The following CAMK2D variants were observed in gnomAD, a reference collection of about 807,000 sequenced individuals.
The protein encoded by CAMK2D is calcium/calmodulin-dependent protein kinase type II subunit delta.
Under a neutral mutation model 84.0 loss-of-function variants are expected in CAMK2D, and 37 were observed. The observed-to-expected ratio is 0.44, with a 90% confidence interval of 0.34 to 0.58. The LOEUF (loss-of-function observed/expected upper bound fraction) is 0.58, where lower values mean the gene tolerates loss of function less well. Ranked by LOEUF, CAMK2D falls within the 20% of genes least tolerant of loss-of-function variation. CAMK2D has a pLI of 0.02. For synonymous variants in CAMK2D, 202 were observed against 212.5 expected (o/e 0.95, Z 0.43); for missense variants, 448 against 652.5 (o/e 0.69, Z 3.41).
chr4:113,760,698 A>G (rs1007656955), intron 1 of CAMK2D, among the ~76,000 whole-genome samples: 15 of 152,094 alleles, frequency 9.9e-5, no homozygotes, highest in African/African-American at 3.6e-4. Context: ...CACACTTCTC[A>G]GGATGATAGC....
intron 3 of CAMK2D, among the ~76,000 whole-genome samples, chr4:113,658,296 A>G (rs2099211319): frequency 6.6e-6 from 1 of 152,274 alleles, no homozygotes; most frequent in South Asian, 2.1e-4. Context: ...GGTAAGATAA[A>G]ATGAGAAAGA....
At chr4:113,668,515 G>A (rs1416544984) in intron 2 of CAMK2D, among the ~76,000 whole-genome samples, 1 of 152,128 alleles carries the variant, frequency 6.6e-6, no homozygotes, top group Non-Finnish European at 1.5e-5. Flanking sequence ...TGCTAAAAAT[G>A]TGTCCAACTT....
chr4:113,717,548 A>T (rs891759066), intron 2 of CAMK2D, among the ~76,000 whole-genome samples: 8 of 152,118 alleles, frequency 5.3e-5, no homozygotes, highest in Non-Finnish European at 1.0e-4. Flanking sequence ...GCAAAGGAAA[A>T]ATAAAATCTT....
intron 2 of CAMK2D, among the ~76,000 whole-genome samples, chr4:113,756,995 C>T (rs2099629981): frequency 6.6e-6 from 1 of 152,038 alleles, no homozygotes; most frequent in South Asian, 2.1e-4. Flanking sequence ...AAAATTGACA[C>T]AATACTTTGC....
chr4:113,470,308 T>C (rs918952423), intron 16 of CAMK2D, among the ~76,000 whole-genome samples: 6 of 152,146 alleles, frequency 3.9e-5, no homozygotes. Flanking sequence ...ATTTTGCTCC[T>C]ACTTCTTTTA....
chr4:113,561,318 T>A (rs1311128135), intron 4 of CAMK2D, among the ~76,000 whole-genome samples: 1 of 151,998 alleles, frequency 6.6e-6, no homozygotes, highest in Non-Finnish European at 1.5e-5. Context: ...TATAAAAAAT[T>A]TAAAAATTAG....
chr4:113,729,360 C>A (rs951026979), intron 2 of CAMK2D, among the ~76,000 whole-genome samples: 1 of 152,188 alleles, frequency 6.6e-6, no homozygotes, highest in Non-Finnish European at 1.5e-5. Flanking sequence ...CATGACATAG[C>A]TTTTGCTTAC....
chr4:113,548,875 T>A (rs2098603095), intron 5 of CAMK2D: 1 of 560,024 alleles, frequency 1.8e-6, no homozygotes. Flanking sequence ...TACGTTGGAA[T>A]CAAATAAAGC....
chr4:113,646,624 A>G (rs1382077316), intron 3 of CAMK2D, among the ~76,000 whole-genome samples: 1 of 152,204 alleles, frequency 6.6e-6, no homozygotes, highest in Non-Finnish European at 1.5e-5. Context: ...GGATATCAGG[A>G]ACAGGTGAAG....
At chr4:113,668,634 T>A (rs1288314047) in intron 2 of CAMK2D, among the ~76,000 whole-genome samples, 1 of 152,184 alleles carries the variant, frequency 6.6e-6, no homozygotes, top group Non-Finnish European at 1.5e-5. Context: ...CATAAAATCA[T>A]ATGATTATGC....
intron 16 of CAMK2D, among the ~76,000 whole-genome samples, chr4:113,496,727 G>A (rs1320606833): frequency 1.3e-5 from 2 of 152,076 alleles, no homozygotes; most frequent in East Asian, 1.9e-4. Context: ...GGGATTACAG[G>A]TATGAGCCAC....
At position 113,761,218 on chromosome 4, in the gene CAMK2D, C is replaced by A. The variant is rs1246662484; in HGVS notation, c.-150G>T. On this transcript the variant is annotated 5_prime_UTR_variant, in exon 1 of 21. Coordinates refer to ENST00000511664, the MANE Select transcript of CAMK2D (RefSeq NM_001321571.2). Reference sequence around the variant, plus strand: ...AGTAGCTCGCCCGCGAGGGAGTGTGCGCAGGGGCGGGGCGGGAGGGGAGAT... The same window carrying A: ...AGTAGCTCGCCCGCGAGGGAGTGTGAGCAGGGGCGGGGCGGGAGGGGAGAT... 6.8e-7 allele frequency: 1 copy of A among 1,467,906 alleles called. No individual in the cohort carries two copies. The highest frequency in any genetic ancestry group is 9.0e-7 in the Non-Finnish European group (1 of 1,105,074). The allele number at this position is 1,467,906 out of a possible 1,614,324, so 90.9% of individuals were successfully genotyped here.
At chr4:113,709,458 A>G (rs2099480105) in intron 2 of CAMK2D, among the ~76,000 whole-genome samples, 1 of 151,980 alleles carries the variant, frequency 6.6e-6, no homozygotes, top group African/African-American at 2.4e-5. Context: ...AGAAAAAATT[A>G]GTAGAAAAGG....
chr4:113,595,828 G>A (rs1233648937), intron 4 of CAMK2D, among the ~76,000 whole-genome samples: 3 of 152,298 alleles, frequency 2.0e-5, no homozygotes, highest in East Asian at 1.9e-4. Flanking sequence ...GGAGGTTCTC[G>A]CCTCAGTGTT....
intron 2 of CAMK2D, among the ~76,000 whole-genome samples, chr4:113,670,444 T>A (rs961113588): frequency 6.9e-6 from 1 of 144,648 alleles, no homozygotes; most frequent in African/African-American, 2.4e-5. Context: ...TTTGTCTATA[T>A]CTTTATTTTA....
intron 3 of CAMK2D, among the ~76,000 whole-genome samples, chr4:113,635,370 C>T (rs545452348): frequency 1.3e-5 from 2 of 152,294 alleles, no homozygotes; most frequent in South Asian, 4.1e-4. Context: ...TAAAATCCTA[C>T]AATTTGTGTG....
chr4:113,539,428 T>C (rs2098514889), intron 6 of CAMK2D, among the ~76,000 whole-genome samples: 1 of 152,238 alleles, frequency 6.6e-6, no homozygotes, highest in African/African-American at 2.4e-5. Flanking sequence ...GTTGAGCAAC[T>C]GTCAGCGTAA....
intron 8 of CAMK2D, among the ~76,000 whole-genome samples, chr4:113,520,717 T>C (rs2098345181): frequency 6.6e-6 from 1 of 152,066 alleles, no homozygotes; most frequent in South Asian, 2.1e-4. Flanking sequence ...ACTGCCTACA[T>C]AATTTTACTG....
intron 2 of CAMK2D, among the ~76,000 whole-genome samples, chr4:113,689,560 T>G (rs1337253674): frequency 2.6e-5 from 4 of 152,224 alleles, no homozygotes; most frequent in Non-Finnish European, 5.9e-5. Context: ...GTGCCCTTTC[T>G]TTGCCTCCAT....
Sources: gnomAD v4.1 joint callset for allele counts (sites outside exome capture counted in the v4.1 genomes callset) on GRCh38, gnomAD v4.1.1 for gene constraint, MANE v1.5 for transcripts, NCBI Gene and HGNC (gene_info 2026-07-23, HGNC 2026-07-21) for gene names.